Variants in SLC15A1 observed in about 807,000 individuals in gnomAD.
SLC15A1 encodes the protein solute carrier family 15 member 1.
Under a neutral mutation model 92.9 loss-of-function variants are expected in SLC15A1, and 83 were observed. That is an observed-to-expected ratio of 0.89 (90% CI 0.75 to 1.07). SLC15A1 has a LOEUF of 1.07. SLC15A1 is among the 50% of genes least tolerant of loss of function. SLC15A1 has a pLI of 0.00. For missense variants in SLC15A1, 857 were observed against 880.1 expected, an observed-to-expected ratio of 0.97 and a Z score of 0.33; for synonymous variants, 322 against 318.2, an observed-to-expected ratio of 1.01 and a Z score of -0.13.
In SLC15A1 at chr13:98,721,745, C is replaced by G. The variant is rs2088260455; in HGVS notation, c.465+59G>C. 2.0e-6 allele frequency: 3 copies of G among 1,520,006 alleles called. No homozygotes were observed. In the Admixed American group the frequency reaches 5.4e-5, roughly 28 times the overall value. 94.2% of individuals were successfully genotyped at this position (1,520,006 alleles called of 1,614,324 possible). ...GTAGAACAGACTTTGTGCCCGTGGCCTCTGACTCCTGGATGTGTAGTTCAT... is the reference window on the plus strand; with the variant it reads ...GTAGAACAGACTTTGTGCCCGTGGCGTCTGACTCCTGGATGTGTAGTTCAT... On this transcript the variant is annotated intron_variant, in intron 6 of 22. Transcript: ENST00000376503.
At chr13:98,706,742 T>G (rs1057295847) in intron 15 of SLC15A1, among the ~76,000 whole-genome samples, 5 of 152,160 alleles carry the variant, frequency 3.3e-5, no homozygotes, top group Non-Finnish European at 7.4e-5. Flanking sequence ...GTCCATTAAA[T>G]CTCTTTTTCT....
intron 18 of SLC15A1, among the ~76,000 whole-genome samples, chr13:98,690,088 TC>T (rs2087963109): frequency 6.6e-6 from 1 of 152,186 alleles, no homozygotes; most frequent in Non-Finnish European, 1.5e-5. Context: ...AGTTGACTTT[TC>T]CTACCAAACA....
At chr13:98,692,154 T>G (rs2087985221) in intron 18 of SLC15A1, among the ~76,000 whole-genome samples, 1 of 110,800 alleles carries the variant, frequency 9.0e-6, no homozygotes, top group East Asian at 2.1e-4. Context: ...TTTTTTTTTT[T>G]TTTTTTTTTT....
intron 15 of SLC15A1, among the ~76,000 whole-genome samples, chr13:98,707,130 G>A (rs1009341924): frequency 1.3e-5 from 2 of 152,176 alleles, no homozygotes; most frequent in Non-Finnish European, 2.9e-5. Context: ...ACTGAAGCAA[G>A]CCATGTCCAC....
intron 21 of SLC15A1, among the ~76,000 whole-genome samples, chr13:98,686,618 C>G (rs1280604002): frequency 2.0e-5 from 3 of 152,178 alleles, no homozygotes; most frequent in Non-Finnish European, 4.4e-5. Context: ...GCATAGTCTT[C>G]CCCTCAAATG....
intron 1 of SLC15A1, among the ~76,000 whole-genome samples, chr13:98,749,057 G>A (rs1187894841): frequency 3.3e-5 from 5 of 152,240 alleles, no homozygotes; most frequent in East Asian, 3.8e-4. Flanking sequence ...CTAGGAGGAG[G>A]TGAGTTCCCC....
intron 8 of SLC15A1, among the ~76,000 whole-genome samples, chr13:98,718,041 T>A (rs2088224516): frequency 6.9e-6 from 1 of 144,792 alleles, no homozygotes; most frequent in Non-Finnish European, 1.5e-5. Context: ...AGTAGAAACA[T>A]ATGGGGGGCG....
chr13:98,726,323 A>G, intron 3 of SLC15A1, 45 bp downstream of exon 3: 1 of 1,613,530 alleles, frequency 6.2e-7, no homozygotes, highest in Non-Finnish European at 8.5e-7. Flanking sequence ...GGTTATGGCC[A>G]CTCCCGCTCT....
chr13:98,726,868 A>C lies in SLC15A1; in HGVS notation c.5-9T>G. 1 of 1,613,272 alleles carries C rather than the reference A, an allele frequency of 6.2e-7. No individual in the cohort carries two copies. The highest frequency in any genetic ancestry group is 2.2e-5 in the East Asian group (1 of 44,878). On this transcript the variant is annotated splice_polypyrimidine_tract_variant and intron_variant, in intron 1 of 22. Coordinates refer to ENST00000376503, the MANE Select transcript of SLC15A1 (RefSeq NM_005073.4). ...GTGTGATTTGGACATTCCTAAAAGAAAAACAGAATCCCAATATTAAAGTCA... is the reference window on the plus strand; with the variant it reads ...GTGTGATTTGGACATTCCTAAAAGACAAACAGAATCCCAATATTAAAGTCA...
At chr13:98,700,504 A>AAAAG (rs1236070012) in intron 18 of SLC15A1, among the ~76,000 whole-genome samples, 5 of 150,998 alleles carry the variant, frequency 3.3e-5, no homozygotes, top group Admixed American at 3.3e-4. Flanking sequence ...AAAAAAAAAA[A>AAAAG]AAAGGGTGAC....
At chr13:98,698,774 C>G (rs2088043582) in intron 18 of SLC15A1, among the ~76,000 whole-genome samples, 1 of 152,122 alleles carries the variant, frequency 6.6e-6, no homozygotes, top group Admixed American at 6.5e-5. Context: ...CCAAAATATA[C>G]TTAATATATT....
At chr13:98,742,921 G>A (rs189068743) in intron 1 of SLC15A1, among the ~76,000 whole-genome samples, 8 of 152,266 alleles carry the variant, frequency 5.3e-5, no homozygotes, top group South Asian at 4.1e-4. Flanking sequence ...GACCACAGGC[G>A]TGTGCAGCCA....
At chr13:98,750,754 CTTT>C (rs375828538) in intron 1 of SLC15A1, among the ~76,000 whole-genome samples, 2 of 141,764 alleles carry the variant, frequency 1.4e-5, no homozygotes, top group African/African-American at 5.2e-5. Flanking sequence ...AAGATCTGTT[CTTT>C]TTTTTTTTTT....
chr13:98,691,932 A>G (rs183012332), intron 18 of SLC15A1, among the ~76,000 whole-genome samples: 44 of 151,964 alleles, frequency 2.9e-4, no homozygotes, highest in African/African-American at 1.0e-3. Flanking sequence ...AATTAGCTGG[A>G]CATGGTGGTG....
chr13:98,744,111 C>A (rs1166893752), intron 1 of SLC15A1, among the ~76,000 whole-genome samples: 2 of 151,880 alleles, frequency 1.3e-5, no homozygotes, highest in African/African-American at 4.8e-5. Flanking sequence ...CATAGTGGCA[C>A]GTGCCTGTAG....
intron 5 of SLC15A1, 105 bp from the exon 6 acceptor site, chr13:98,722,008 GAGA>G (rs2088264655): frequency 2.3e-6 from 2 of 861,232 alleles, no homozygotes; most frequent in African/African-American, 3.3e-5. Flanking sequence ...GACACACATA[GAGA>G]AGAAGACAAT....
rs889515558 is a variant in SLC15A1, at chr13:98,683,825, C to G, written c.*899G>C. On this transcript the variant is annotated 3_prime_UTR_variant, in exon 23 of 23. Transcript: ENST00000376503. ...CTTAAGAACAGAAATTTATTTCACACCATTGAAACTTCAAAAAAATCATTA... is the reference window on the plus strand; with the variant it reads ...CTTAAGAACAGAAATTTATTTCACAGCATTGAAACTTCAAAAAAATCATTA... 2.0e-5 allele frequency: 3 copies of G among 152,176 alleles called. No homozygotes were observed. Among genetic ancestry groups the G allele is most frequent in the Non-Finnish European group, 2.9e-5 (2 of 68,036 alleles). 9.4% of individuals were successfully genotyped at this position (152,176 alleles called of 1,614,324 possible). A position where few individuals can be genotyped will look rare whatever the true frequency, so the allele number is the denominator to read the frequency against.
chr13:98,747,232 A>G (rs901496543), intron 1 of SLC15A1, among the ~76,000 whole-genome samples: 4 of 152,250 alleles, frequency 2.6e-5, no homozygotes, highest in Non-Finnish European at 5.9e-5. Flanking sequence ...TCTTTCTCTC[A>G]CTGTCCTCAA....
intron 18 of SLC15A1, among the ~76,000 whole-genome samples, chr13:98,690,915 C>T (rs1490192556): frequency 7.2e-5 from 11 of 152,214 alleles, no homozygotes; most frequent in Non-Finnish European, 1.2e-4. Context: ...TGCTTTCTGT[C>T]TCCATGGCTC....
Sources: gnomAD v4.1 joint callset for allele counts (sites outside exome capture counted in the v4.1 genomes callset) on GRCh38, gnomAD v4.1.1 for gene constraint, MANE v1.5 for transcripts, NCBI Gene and HGNC (gene_info 2026-07-23, HGNC 2026-07-21) for gene names.